Variants in AGBL1 observed in about 807,000 individuals in gnomAD.
AGBL1 encodes cytosolic carboxypeptidase 4.
AGBL1 carries 130 observed loss-of-function variants against 118.9 expected under a neutral mutation model. That is an observed-to-expected ratio of 1.09 (90% CI 0.95 to 1.26). The LOEUF (loss-of-function observed/expected upper bound fraction) is 1.26. AGBL1 is among the 50% of genes most tolerant of loss of function. The pLI is 0.00. For synonymous variants in AGBL1, 555 were observed against 478.9 expected, an observed-to-expected ratio of 1.16 and a Z score of -2.08; for missense variants, 1,584 against 1,298.1, an observed-to-expected ratio of 1.22 and a Z score of -3.38.
At chr15:86,797,751 G>A (rs955967159) in intron 22 of AGBL1, among the ~76,000 whole-genome samples, 1 of 152,192 alleles carries the variant, frequency 6.6e-6, no homozygotes, top group African/African-American at 2.4e-5. Context: ...AGGGGTGGTG[G>A]GGAGGTGATC....
intron 22 of AGBL1, among the ~76,000 whole-genome samples, chr15:86,881,233 T>C (rs1487064443): frequency 2.6e-5 from 4 of 152,206 alleles, no homozygotes; most frequent in East Asian, 1.9e-4. Context: ...TTCTGGCATA[T>C]AGAATAAAGT....
Position 86,827,195 on chromosome 15 carries a change from G to A in AGBL1, c.3159-79892G>A, listed in dbSNP as rs553362703. Among the ~76,000 whole-genome samples, 9 of 146,716 alleles carry A rather than the reference G, an allele frequency of 6.1e-5. No individual in the cohort carries two copies. The South Asian group carries it at 1.1e-3, about 18-fold the overall frequency. On this transcript the variant is annotated intron_variant, in intron 22 of 22. Transcript: ENST00000614907. The stretch of plus-strand genomic sequence containing the variant: ...ACACCAATACCAGGGGACCTAAAAT[G>A]CCTTCACATTTCTCTAGAGTTGGGG...
chr15:86,426,947 G>A (rs2081874602), intron 18 of AGBL1, among the ~76,000 whole-genome samples: 1 of 152,218 alleles, frequency 6.6e-6, no homozygotes, highest in South Asian at 2.1e-4. Flanking sequence ...TGTACTTTTA[G>A]TAGAGTCAGG....
chr15:86,554,533 A>G lies in AGBL1; in HGVS notation c.2990A>G (p.Tyr997Cys). The G allele has an allele frequency of 6.6e-7, 1 of 1,523,464 alleles. No homozygotes were observed. The allele number at this position is 1,523,464 out of a possible 1,614,324, so 94.4% of individuals were successfully genotyped here. The stretch of plus-strand genomic sequence containing the variant: ...TACTGTGGCTGCAACCAGGGCCCTT[A>G]TCAGGTATGTGAGGCTGCAGGACAC... ...SSYCGCNQGP[Y>C]QGLQFGTREL... Residue 997 changes from tyrosine to cysteine, a missense_variant, in exon 21 of 23, where the codon TAT (tyrosine) becomes TGT (cysteine). By Grantham distance (194) the Tyr-to-Cys change is radical. Transcript: ENST00000614907.
intron 19 of AGBL1, among the ~76,000 whole-genome samples, chr15:86,534,137 T>C (rs2083389541): frequency 7.6e-6 from 1 of 131,282 alleles, no homozygotes; most frequent in Non-Finnish European, 1.6e-5. Flanking sequence ...AAAAAAAAGA[T>C]TGTCCTTTTC....
intron 16 of AGBL1, among the ~76,000 whole-genome samples, chr15:86,285,958 G>T (rs2079437606): frequency 6.6e-6 from 1 of 151,842 alleles, no homozygotes; most frequent in East Asian, 1.9e-4. Context: ...TGCCTAACCT[G>T]CTTCCGCATA....
rs564668589 is a variant in AGBL1 at position 86,556,655 on chromosome 15, C to T, written c.2994+2118C>T. On this transcript the variant is annotated intron_variant, in intron 21 of 22. Transcript: ENST00000614907. The stretch of plus-strand genomic sequence containing the variant: ...ATAATGCAGTCTATGAGCTACAAAG[C>T]AGTATAGAAATTTCCATCCTGAACA... Among the ~76,000 whole-genome samples the T allele has an allele frequency of 4.6e-5, 7 of 152,280 alleles. No individual in the cohort carries two copies. In the East Asian group the frequency reaches 9.7e-4, roughly 21 times the overall value.
intron 22 of AGBL1, among the ~76,000 whole-genome samples, chr15:86,845,216 A>G (rs759843726): frequency 6.6e-6 from 1 of 152,140 alleles, no homozygotes; most frequent in Non-Finnish European, 1.5e-5. Context: ...GATATATATC[A>G]CTTCGAATGT....
At chr15:86,327,222 G>A (rs2080197605) in intron 17 of AGBL1, among the ~76,000 whole-genome samples, 1 of 152,174 alleles carries the variant, frequency 6.6e-6, no homozygotes, top group African/African-American at 2.4e-5. Context: ...TGTGGAGGGT[G>A]TGCATGACAA....
At chr15:87,029,396 C>A (rs1387506042), downstream of AGBL1, among the ~76,000 whole-genome samples, 1 of 151,866 alleles carries the variant, frequency 6.6e-6, no homozygotes, top group East Asian at 1.9e-4. Flanking sequence ...AACCACCAAG[C>A]ATAATGTCCC....
At chr15:86,628,884 A>G (rs1397132546) in intron 21 of AGBL1, among the ~76,000 whole-genome samples, 1 of 152,198 alleles carries the variant, frequency 6.6e-6, no homozygotes, top group Admixed American at 6.5e-5. Flanking sequence ...TGTATACAGT[A>G]TATTAAAGGT....
intron 22 of AGBL1, among the ~76,000 whole-genome samples, chr15:86,841,008 A>T (rs887803336): frequency 6.6e-6 from 1 of 152,188 alleles, no homozygotes; most frequent in Non-Finnish European, 1.5e-5. Flanking sequence ...AGACTACAAG[A>T]TTACTTTTTT....
chr15:86,851,130 A>G (rs1336767051), intron 22 of AGBL1, among the ~76,000 whole-genome samples: 1 of 152,196 alleles, frequency 6.6e-6, no homozygotes, highest in Admixed American at 6.5e-5. Flanking sequence ...ACTTGCTCTT[A>G]TCCCTTCTAA....
chr15:86,368,316 C>T (rs1046324730), intron 17 of AGBL1, among the ~76,000 whole-genome samples: 4 of 151,858 alleles, frequency 2.6e-5, no homozygotes, highest in Non-Finnish European at 4.4e-5. Context: ...CCATGGAAAA[C>T]CCACTTTCAA....
chr15:86,675,029 T>G (rs1468580247), intron 22 of AGBL1, among the ~76,000 whole-genome samples: 1 of 152,078 alleles, frequency 6.6e-6, no homozygotes, highest in African/African-American at 2.4e-5. Context: ...AAATGAGCCG[T>G]TTTGATGTTC....
intron 22 of AGBL1, among the ~76,000 whole-genome samples, chr15:86,692,790 C>G (rs949979782): frequency 1.3e-5 from 2 of 152,084 alleles, no homozygotes; most frequent in East Asian, 3.9e-4. Flanking sequence ...CCCCAAAGAC[C>G]ACTGTGTCAT....
chr15:86,399,171 C>G (rs1422789358), intron 18 of AGBL1, among the ~76,000 whole-genome samples: 1 of 152,116 alleles, frequency 6.6e-6, no homozygotes, highest in Non-Finnish European at 1.5e-5. Context: ...TCTGAGCTCT[C>G]AAGCTGGAAA....
intron 24 of AGBL1, among the ~76,000 whole-genome samples, chr15:86,995,318 C>A (rs1194652938): frequency 6.6e-6 from 1 of 152,090 alleles, no homozygotes; most frequent in Non-Finnish European, 1.5e-5. Flanking sequence ...CCCGGGAGGT[C>A]AAGGCTGTAG....
chr15:87,002,510 T>TGAA (rs2081450870), intron 24 of AGBL1, among the ~76,000 whole-genome samples: 1 of 152,116 alleles, frequency 6.6e-6, no homozygotes, highest in Non-Finnish European at 1.5e-5. Flanking sequence ...TCCAATTCTG[T>TGAA]GAAGAAAGTC....
Sources: allele counts gnomAD v4.1 joint callset (sites outside exome capture counted in the v4.1 genomes callset), GRCh38; gene constraint gnomAD v4.1.1; transcripts MANE v1.5; gene names NCBI Gene and HGNC (gene_info 2026-07-23, HGNC 2026-07-21).